Variants in EPHA6 observed in about 807,000 individuals in gnomAD.
EPHA6 encodes the protein EPH receptor A6.
Under a neutral mutation model 112.0 loss-of-function variants are expected in EPHA6, and 50 were observed. That is an observed-to-expected ratio of 0.45 (90% CI 0.36 to 0.56). The LOEUF is 0.56. Ranked by LOEUF, EPHA6 falls within the 20% of genes least tolerant of loss-of-function variation. The pLI is 0.00. For missense variants in EPHA6, 1,280 were observed against 1,417.4 expected, an observed-to-expected ratio of 0.90 and a Z score of 1.56; for synonymous variants, 529 against 490.7, an observed-to-expected ratio of 1.08 and a Z score of -1.03.
chr3:97,079,369 G>A (rs1213390646), intron 3 of EPHA6, among the ~76,000 whole-genome samples: 1 of 152,078 alleles, frequency 6.6e-6, no homozygotes, highest in African/African-American at 2.4e-5. Context: ...AATACCACAT[G>A]TTCTCTCTTA....
chr3:97,146,112 TA>T (rs1325272893), intron 3 of EPHA6, among the ~76,000 whole-genome samples: 2 of 151,836 alleles, frequency 1.3e-5, no homozygotes, highest in Non-Finnish European at 2.9e-5. Context: ...TATTTTAGAA[TA>T]AAGTACTAAT....
chr3:97,294,175 G>A (rs140062556), intron 5 of EPHA6, among the ~76,000 whole-genome samples: 227 of 152,284 alleles, frequency 1.5e-3, no homozygotes, highest in Non-Finnish European at 1.9e-3. Flanking sequence ...ACGTGGGAGC[G>A]CAGGGCTCCT....
intron 7 of EPHA6, among the ~76,000 whole-genome samples, chr3:97,472,968 C>T (rs1164284512): frequency 6.6e-6 from 1 of 150,406 alleles, no homozygotes. Context: ...ACTGTTTAAA[C>T]TAGGAATGAT....
intron 5 of EPHA6, among the ~76,000 whole-genome samples, chr3:97,331,159 C>G (rs1250372945): frequency 6.6e-6 from 1 of 152,006 alleles, no homozygotes; most frequent in Non-Finnish European, 1.5e-5. Flanking sequence ...GGGTACATAA[C>G]GAAATGAAGG....
At chr3:97,424,675 G>A (rs1426495709) in intron 6 of EPHA6, among the ~76,000 whole-genome samples, 1 of 151,802 alleles carries the variant, frequency 6.6e-6, no homozygotes, top group African/African-American at 2.4e-5. Flanking sequence ...GCATTGTGGT[G>A]GGCACCTGTA....
intron 14 of EPHA6, among the ~76,000 whole-genome samples, chr3:97,649,822 G>T (rs1294310325): frequency 1.3e-5 from 2 of 151,646 alleles, no homozygotes; most frequent in Non-Finnish European, 2.9e-5. Context: ...TGCTATGCTA[G>T]TAGTCAATCA....
intron 10 of EPHA6, among the ~76,000 whole-genome samples, chr3:97,516,736 A>G (rs942715455): frequency 6.6e-6 from 1 of 152,136 alleles, no homozygotes; most frequent in South Asian, 2.1e-4. Context: ...CCTTTACACA[A>G]TAGGAAAATG....
chr3:97,346,667 ATT>A (rs59747272), intron 5 of EPHA6, among the ~76,000 whole-genome samples: 1 of 145,754 alleles, frequency 6.9e-6, no homozygotes, highest in African/African-American at 2.5e-5. Context: ...CAGATGTTCA[ATT>A]TTTTTTTTTT....
chr3:96,976,488 A>G (rs757460276), intron 2 of EPHA6, among the ~76,000 whole-genome samples: 16 of 152,072 alleles, frequency 1.1e-4, no homozygotes, highest in African/African-American at 1.9e-4. Context: ...AAAGTACTTT[A>G]TGACGTTAAA....
chr3:96,950,085 A>T (rs1044597335), intron 2 of EPHA6, among the ~76,000 whole-genome samples: 12 of 152,150 alleles, frequency 7.9e-5, no homozygotes, highest in Non-Finnish European at 1.5e-4. Context: ...ACTTGTCATT[A>T]TCTCAAATTA....
chr3:97,435,698 C>T (rs567580527), intron 6 of EPHA6, among the ~76,000 whole-genome samples: 3 of 152,226 alleles, frequency 2.0e-5, no homozygotes, highest in South Asian at 2.1e-4. Context: ...TCTTCACTGC[C>T]GTGGAGTTAT....
At chr3:96,818,575 T>A (rs1428104039) in intron 1 of EPHA6, among the ~76,000 whole-genome samples, 1 of 151,970 alleles carries the variant, frequency 6.6e-6, no homozygotes, top group African/African-American at 2.4e-5. Context: ...TAAATACAAA[T>A]AAATATATCT....
Position 97,720,378 on chromosome 3 carries a change from G to T in EPHA6, c.2902G>T (p.Glu968Ter). 6.2e-7 allele frequency: 1 copy of T among 1,602,728 alleles called. No individual in the cohort carries two copies. The highest frequency in any genetic ancestry group is 8.5e-7 in the Non-Finnish European group (1 of 1,175,606). Residue 968 changes from glutamate to a stop codon, truncating the protein, a stop_gained, in exon 15 of 18, where the codon GAG (glutamate) becomes TAG (stop). Transcript: ENST00000389672. LOFTEE classifies it high-confidence loss of function. The part of the protein sequence containing the change: ...IVMWEVMSYG[E>*]RPYWEMSNQD... ...CATGTGGGAGGTCATGTCCTATGGA[G>T]AGAGACCTTATTGGGAAATGTCTAA...
chr3:97,446,212 C>G (rs907295197), intron 6 of EPHA6, among the ~76,000 whole-genome samples: 2 of 152,270 alleles, frequency 1.3e-5, no homozygotes, highest in African/African-American at 2.4e-5. Flanking sequence ...ATTCTTGTGA[C>G]TGCTTCTTCC....
chr3:97,686,379 G>C (rs1295223489), intron 14 of EPHA6, among the ~76,000 whole-genome samples: 1 of 151,976 alleles, frequency 6.6e-6, no homozygotes, highest in Non-Finnish European at 1.5e-5. Flanking sequence ...TTGCATTCCT[G>C]GTAGATGGCA....
intron 14 of EPHA6, among the ~76,000 whole-genome samples, chr3:97,683,323 A>T (rs1326012320): frequency 2.6e-5 from 4 of 152,158 alleles, no homozygotes; most frequent in African/African-American, 9.6e-5. Context: ...TTATATCATT[A>T]CACATCCTCT....
chr3:96,887,451 C>T (rs2037695897), intron 2 of EPHA6, among the ~76,000 whole-genome samples: 1 of 152,146 alleles, frequency 6.6e-6, no homozygotes, highest in Admixed American at 6.5e-5. Context: ...ATTTATGGGT[C>T]TCAGCTGTGA....
At chr3:97,009,956 G>A (rs2044022629) in intron 3 of EPHA6, 1 of 562,628 alleles carries the variant, frequency 1.8e-6, no homozygotes, top group Non-Finnish European at 3.0e-6. Context: ...TACCTTGGTT[G>A]CCGTTGAAGG....
At chr3:97,430,304 T>C (rs985426947) in intron 6 of EPHA6, among the ~76,000 whole-genome samples, 2 of 152,004 alleles carry the variant, frequency 1.3e-5, no homozygotes, top group Admixed American at 6.6e-5. Context: ...TGGAAGAAAA[T>C]AGATTCAACA....
Sources: allele counts gnomAD v4.1 joint callset (sites outside exome capture counted in the v4.1 genomes callset), GRCh38; gene constraint gnomAD v4.1.1; transcripts MANE v1.5; gene names NCBI Gene and HGNC (gene_info 2026-07-23, HGNC 2026-07-21).